ERN2: variants seen among roughly 807,000 people sequenced by gnomAD.
The protein encoded by ERN2 is serine/threonine-protein kinase/endoribonuclease IRE2.
Under a neutral mutation model 107.9 loss-of-function variants are expected in ERN2, and 111 were observed. That is an observed-to-expected ratio of 1.03 (90% CI 0.88 to 1.20). ERN2 has a LOEUF of 1.20. Ranked by LOEUF, ERN2 falls within the 50% of genes most tolerant of loss-of-function variation. The probability of loss-of-function intolerance (pLI) is 0.00; values close to 1 mark genes in which losing one functional copy is unlikely to be tolerated. For missense variants in ERN2, 1,225 were observed against 1,197.9 expected, an observed-to-expected ratio of 1.02 and a Z score of -0.33; for synonymous variants, 524 against 501.7, an observed-to-expected ratio of 1.04 and a Z score of -0.59.
intron 2 of ERN2, among the ~76,000 whole-genome samples, 179 bp downstream of exon 2, chr16:23,710,734 T>C (rs34015323): frequency 5.3e-5 from 8 of 152,192 alleles, no homozygotes; most frequent in Non-Finnish European, 8.8e-5. Context: ...ATGAGGATGT[T>C]GAGGATCAGA....
In ERN2 at chr16:23,695,348, A is replaced by G; in HGVS notation, c.1652T>C (p.Leu551Pro). 6.2e-7 allele frequency: 1 copy of G among 1,609,260 alleles called. No individual in the cohort carries two copies. Among genetic ancestry groups the G allele is most frequent in the Non-Finnish European group, 8.5e-7 (1 of 1,178,008 alleles). The stretch of plus-strand genomic sequence containing the variant: ...CCGAACCAGGCCAAAGCACTCGCGG[A>G]GGAGCCGCTTGACAGCCACTGCCCG... Reference protein sequence around the residue: ...EGRAVAVKRLLRECFGLVRRE... With the variant: ...EGRAVAVKRLPRECFGLVRRE... The change falls in exon 15 of 22, where the codon CTC becomes CCC. Residue 551 changes from leucine to proline, a missense_variant. Physicochemically the swap from Leu to Pro is moderately conservative, Grantham distance 98. Coordinates refer to ENST00000256797, the MANE Select transcript of ERN2 (RefSeq NM_033266.4).
chr16:23,709,128 A>G (rs2141023325), intron 4 of ERN2: 1 of 453,756 alleles, frequency 2.2e-6, no homozygotes, highest in Non-Finnish European at 4.4e-6. Flanking sequence ...TTCCCCTGAC[A>G]TGGTTAGAAT....
Position 23,692,323 on chromosome 16 carries a change from A to G in ERN2, c.2109T>C (p.Ala703=), listed in dbSNP as rs1215999824. 1.2e-6 allele frequency: 2 copies of G among 1,613,100 alleles called. No homozygotes were observed. Among genetic ancestry groups the G allele is most frequent in the South Asian group, 1.1e-5 (1 of 91,084 alleles). The change falls in exon 18 of 22, where the codon GCT becomes GCC. Residue 703 remains alanine (A), a synonymous_variant. Transcript: ENST00000256797. ...QLLPPDSPTS[A]VDIFSAGCVF... ...CGCAGCCTGCAGAGAAGATGTCCAC[A>G]GCGCTGGTCTGGAGCCAGAGAGATG...
At chr16:23,711,287 G>A (rs1046990281) in intron 1 of ERN2, among the ~76,000 whole-genome samples, 1 of 152,110 alleles carries the variant, frequency 6.6e-6, no homozygotes, top group African/African-American at 2.4e-5. Context: ...AATTCATTCT[G>A]GTTTTCCAAA....
At chr16:23,694,197 A>T (rs2141005523) in intron 17 of ERN2, among the ~76,000 whole-genome samples, 1 of 152,188 alleles carries the variant, frequency 6.6e-6, no homozygotes, top group Non-Finnish European at 1.5e-5. Context: ...AGGTCTCCCT[A>T]GGTTACCCAG....
At position 23,691,110 on chromosome 16, in the gene ERN2, C is replaced by T. The variant is rs1483999041; in HGVS notation, c.2568+19G>A. ...CAGGCCTTCCCAAGACCCAGGCCCA[C>T]CCAGGCCCCAACACATACCTTGTTC... On this transcript the variant is annotated intron_variant, in intron 21 of 21. Transcript: ENST00000256797. 6.2e-7 allele frequency: 1 copy of T among 1,613,710 alleles called. No homozygotes were observed. The highest frequency in any genetic ancestry group is 1.7e-5 in the Admixed American group (1 of 60,018).
chr16:23,698,849 A>G (rs959285779), intron 13 of ERN2, among the ~76,000 whole-genome samples: 2 of 152,168 alleles, frequency 1.3e-5, no homozygotes, highest in African/African-American at 2.4e-5. Context: ...TGGCCTCCCA[A>G]AGTGCTGGGA....
At chr16:23,703,135 G>A (rs1960158486) in intron 8 of ERN2, among the ~76,000 whole-genome samples, 1 of 152,032 alleles carries the variant, frequency 6.6e-6, no homozygotes, top group Non-Finnish European at 1.5e-5. Context: ...TGTTTTTTAA[G>A]TTCTCTGTTT....
At chr16:23,713,024 C>A in intron 1 of ERN2, 71 bp downstream of exon 1, 1 of 1,251,396 alleles carries the variant, frequency 8.0e-7, no homozygotes. Flanking sequence ...CGCCCTCGCC[C>A]CAAGTGCGAC....
At chr16:23,705,373 G>A (rs184617576) in intron 7 of ERN2, among the ~76,000 whole-genome samples, 31 of 152,290 alleles carry the variant, frequency 2.0e-4, no homozygotes, top group Admixed American at 2.0e-3. Context: ...GGGTCACTTA[G>A]GATGGTGGGG....
intron 8 of ERN2, among the ~76,000 whole-genome samples, chr16:23,703,586 T>C (rs908257416): frequency 2.6e-5 from 4 of 152,238 alleles, no homozygotes; most frequent in Non-Finnish European, 5.9e-5. Context: ...AAAATATGAT[T>C]AAATCACTTC....
chr16:23,692,137 G>C (rs1331127228), intron 18 of ERN2, 47 bp from the exon 19 acceptor site: 9 of 1,613,706 alleles, frequency 5.6e-6, no homozygotes, highest in Non-Finnish European at 7.6e-6. Flanking sequence ...GGCCTGCCTA[G>C]CGTCTTGCCC....
intron 1 of ERN2, chr16:23,712,762 A>G: frequency 3.3e-6 from 1 of 307,628 alleles, no homozygotes; most frequent in Non-Finnish European, 5.9e-6. Context: ...AAAGGAAGCC[A>G]GGATTCCCAG....
Position 23,695,261 on chromosome 16 carries a change from G to A in ERN2, c.1739C>T (p.Thr580Ile). ...GTAGTGGAACTGGGGTCCCCGCTCGGTGCAGAAGTAGCGGAGCACGTTGGG... is the reference window on the plus strand; with the variant it reads ...GTAGTGGAACTGGGGTCCCCGCTCGATGCAGAAGTAGCGGAGCACGTTGGG... ...RHPNVLRYFC[T>I]ERGPQFHYIA... is the part of the protein sequence containing the mutation. Residue 580 changes from threonine (T) to isoleucine (I), a missense_variant, in exon 15 of 22, where the codon ACC (threonine) becomes ATC (isoleucine). Thr to Ile is a moderately conservative substitution (Grantham distance 89, BLOSUM62 -1). Coordinates refer to ENST00000256797, the MANE Select transcript of ERN2 (RefSeq NM_033266.4). 1 of 1,614,118 alleles carries A rather than the reference G, an allele frequency of 6.2e-7. No homozygotes were observed. The highest frequency in any genetic ancestry group is 8.5e-7 in the Non-Finnish European group (1 of 1,180,024).
At chr16:23,705,598 C>A (rs893518873) in intron 7 of ERN2, among the ~76,000 whole-genome samples, 1 of 151,888 alleles carries the variant, frequency 6.6e-6, no homozygotes, top group Non-Finnish European at 1.5e-5. Context: ...GTCACTCAGG[C>A]AGTTGGGTAT....
chr16:23,707,101 G>A, intron 4 of ERN2, 22 bp from the exon 5 acceptor site: 1 of 1,587,696 alleles, frequency 6.3e-7, no homozygotes, highest in South Asian at 1.1e-5. Flanking sequence ...AAAATTTACA[G>A]GAAGGAGTAA....
rs918096453 is a variant in ERN2, at chr16:23,705,138, T to G, written c.599A>C (p.His200Pro). The G allele has an allele frequency of 1.9e-6, 3 of 1,611,726 alleles. No homozygotes were observed. The highest frequency in any genetic ancestry group is 2.5e-6 in the Non-Finnish European group (3 of 1,178,086). The change falls in exon 8 of 22, where the codon CAC becomes CCC. Residue 200 changes from histidine to proline, a missense_variant. Physicochemically the swap from His to Pro is moderately conservative, Grantham distance 77. Coordinates refer to ENST00000256797, the MANE Select transcript of ERN2 (RefSeq NM_033266.4). ...MDGSPGKYMSHLASCGMGLLL... is the reference protein window; with the variant it reads ...MDGSPGKYMSPLASCGMGLLL... ...CAGGCCCATCCCGCAGGACGCCAGGTGGCTCATGTCTGCCGAGAAAGGTGG... is the reference window on the plus strand; with the variant it reads ...CAGGCCCATCCCGCAGGACGCCAGGGGGCTCATGTCTGCCGAGAAAGGTGG...
intron 8 of ERN2, among the ~76,000 whole-genome samples, chr16:23,703,479 A>T (rs933639131): frequency 6.6e-6 from 1 of 152,204 alleles, no homozygotes; most frequent in Non-Finnish European, 1.5e-5. Flanking sequence ...TTTCTGCTCT[A>T]GTATAAAGTA....
At position 23,711,003 on chromosome 16, in the gene ERN2, G is replaced by A; in HGVS notation, c.109C>T (p.Pro37Ser). The stretch of plus-strand genomic sequence containing the variant: ...GTGGACACCAGCAGGAGGTTCTCTG[G>A]CCTGAGAGTATGAACCTGCAAGGGG... ...TLSPQVHTLR[P>S]ENLLLVSTLD... is the part of the protein sequence containing the mutation. The change falls in exon 2 of 22, where the codon CCA becomes TCA. Residue 37 changes from proline (P) to serine (S), a missense_variant. Transcript: ENST00000256797. 1.2e-6 allele frequency: 2 copies of A among 1,613,696 alleles called. No homozygotes were observed. Among genetic ancestry groups the A allele is most frequent in the Non-Finnish European group, 1.7e-6 (2 of 1,179,622 alleles).
Sources: gnomAD v4.1 joint callset for allele counts (sites outside exome capture counted in the v4.1 genomes callset) on GRCh38, gnomAD v4.1.1 for gene constraint, MANE v1.5 for transcripts, NCBI Gene and HGNC (gene_info 2026-07-23, HGNC 2026-07-21) for gene names.